PCM1: variants seen among roughly 807,000 people sequenced by gnomAD.
PCM1 encodes pericentriolar material 1 protein.
In PCM1, 157 loss-of-function variants were observed where a neutral mutation model predicts 241.9. The observed-to-expected ratio is 0.65, with a 90% CI of 0.57 to 0.74. The LOEUF (loss-of-function observed/expected upper bound fraction) is 0.74, where lower values mean the gene tolerates loss of function less well. PCM1 is among the 30% of genes least tolerant of loss of function. The pLI is 0.00. For missense variants in PCM1, 3,478 were observed against 2,360.1 expected, an observed-to-expected ratio of 1.47 and a Z score of -9.81; for synonymous variants, 1,085 against 784.9, an observed-to-expected ratio of 1.38 and a Z score of -6.39.
rs376399322 is a variant in PCM1, at chr8:17,935,630, C to A, written c.20C>A (p.Pro7His). MATGGG[P>H]FEDGMNDQDL... Reference sequence around the variant, plus strand: ...TCCAGTATGGCCACAGGAGGAGGTCCCTTTGAAGATGGCATGAATGATCAG... The same window carrying A: ...TCCAGTATGGCCACAGGAGGAGGTCACTTTGAAGATGGCATGAATGATCAG... Residue 7 changes from proline (P) to histidine (H), a missense_variant, in exon 3 of 39, where the codon CCC becomes CAC. Pro to His is a moderately conservative substitution (Grantham distance 77). Coordinates refer to ENST00000325083, the MANE Select transcript of PCM1 (RefSeq NM_006197.4). 13 of 1,537,850 alleles carry A rather than the reference C, an allele frequency of 8.5e-6. No individual in the cohort carries two copies. Among genetic ancestry groups the A allele is most frequent in the Non-Finnish European group, 1.2e-5 (13 of 1,111,182 alleles).
At chr8:17,959,844 G>A (rs1033163631) in intron 13 of PCM1, among the ~76,000 whole-genome samples, 170 bp from the exon 14 acceptor site, 149 of 152,208 alleles carry the variant, frequency 9.8e-4, no homozygotes, top group Middle Eastern at 3.4e-3. Flanking sequence ...AAATACAAAC[G>A]TGTGTAAACA....
At chr8:17,966,305 T>G (rs2074866843) in intron 19 of PCM1, 23 bp from the exon 20 acceptor site, 1 of 1,612,218 alleles carries the variant, frequency 6.2e-7, no homozygotes, top group Non-Finnish European at 8.5e-7. Flanking sequence ...CAGTAACTAT[T>G]AACAAACATT....
Position 17,972,447 on chromosome 8 carries a change from T to C in PCM1, c.3703T>C (p.Ser1235Pro). 1 of 1,613,118 alleles carries C rather than the reference T, an allele frequency of 6.2e-7. No homozygotes were observed. ...KTGFSVSVEKSTSSNRKNQLD... is the reference protein window; with the variant it reads ...KTGFSVSVEKPTSSNRKNQLD... ...TGGATTTTCAGTGTCTGTAGAAAAA[T>C]CTACAAGTAGTAACCGCAAAAATCA... The change falls in exon 23 of 39, where the codon TCT (serine) becomes CCT (proline). Residue 1235 changes from serine (S) to proline (P), a missense_variant. Coordinates refer to ENST00000325083, the MANE Select transcript of PCM1 (RefSeq NM_006197.4).
In PCM1 at chr8:17,961,040, A is replaced by G. The variant is rs529819949; in HGVS notation, c.2322+596A>G. On this transcript the variant is annotated intron_variant, in intron 15 of 38. Transcript: ENST00000325083. The stretch of plus-strand genomic sequence containing the variant: ...TAAAATATTCTGATTTGACTTTTGC[A>G]GTTATGGACCAGCATTTCCATCTTT... 4.6e-5 allele frequency among the ~76,000 whole-genome samples: 7 copies of G among 152,278 alleles called. No individual in the cohort carries two copies. In the South Asian group the frequency reaches 1.2e-3, roughly 27 times the overall value.
At chr8:18,017,419 C>G (rs2093330398) in intron 36 of PCM1, among the ~76,000 whole-genome samples, 1 of 152,186 alleles carries the variant, frequency 6.6e-6, no homozygotes, top group Admixed American at 6.5e-5. Flanking sequence ...GTCACCATAG[C>G]TGAACATTTT....
intron 8 of PCM1, 132 bp downstream of exon 8, chr8:17,950,856 C>A: frequency 3.2e-6 from 2 of 627,846 alleles, no homozygotes; most frequent in African/African-American, 1.9e-5. Context: ...TTGGTGGGGT[C>A]CCCCCCACCT....
At chr8:17,971,026 C>T (rs1410306906) in intron 22 of PCM1, among the ~76,000 whole-genome samples, 1 of 152,194 alleles carries the variant, frequency 6.6e-6, no homozygotes, top group Non-Finnish European at 1.5e-5. Context: ...TCATCTGTGA[C>T]AGTTTTGCAC....
intron 15 of PCM1, among the ~76,000 whole-genome samples, chr8:17,960,905 A>C (rs1007367181): frequency 6.6e-6 from 1 of 152,096 alleles, no homozygotes; most frequent in African/African-American, 2.4e-5. Flanking sequence ...TTGGGGTTAT[A>C]CGTTTACAGT....
rs529528309 is a variant in PCM1, at chr8:18,002,954, G to A, written c.4828-3309G>A. Among the ~76,000 whole-genome samples, 3 of 152,238 alleles carry A rather than the reference G, an allele frequency of 2.0e-5. No individual in the cohort carries two copies. In the South Asian group the frequency reaches 6.2e-4, roughly 32 times the overall value. On this transcript the variant is annotated intron_variant, in intron 29 of 38. Transcript: ENST00000325083. ...TACTAGAGTTGTTAGCACTTCTGAG[G>A]CCTTGGCACTTGCTAATACTTCTGC...
At chr8:18,013,582 A>T (rs78079529) in intron 34 of PCM1, among the ~76,000 whole-genome samples, 1 of 152,180 alleles carries the variant, frequency 6.6e-6, no homozygotes, top group East Asian at 1.9e-4. Context: ...ACTTACAGTT[A>T]TGAGGTGAAT....
At chr8:17,959,088 C>G (rs409217) in intron 13 of PCM1, among the ~76,000 whole-genome samples, 119,784 of 152,046 alleles carry the variant, frequency 0.79, 47,838 homozygotes, top group African/African-American at 0.88. Flanking sequence ...GGCCTTTTCT[C>G]TGCAGTTAGG....
chr8:17,956,227 C>G (rs991061298), intron 10 of PCM1, among the ~76,000 whole-genome samples: 1 of 152,160 alleles, frequency 6.6e-6, no homozygotes, highest in Non-Finnish European at 1.5e-5. Context: ...TCAGTAATGT[C>G]TGTATACCTG....
At chr8:17,997,430 C>T (rs776959253) in intron 29 of PCM1, among the ~76,000 whole-genome samples, 4 of 152,088 alleles carry the variant, frequency 2.6e-5, no homozygotes, top group Admixed American at 6.5e-5. Context: ...TGTTGTTAAG[C>T]TTACTACCTC....
Position 18,014,782 on chromosome 8 carries a change from C to A in PCM1, c.5783C>A (p.Pro1928His). Residue 1928 changes from proline to histidine, a missense_variant, in exon 36 of 39, where the codon CCT becomes CAT. By Grantham distance (77) the Pro-to-His change is moderately conservative. Transcript: ENST00000325083. ...GAAGTTAAATCTGCTCAGGAAACTCCTGAAAGCTCTCTGGCTGGAAGTCCT... is the reference window on the plus strand; with the variant it reads ...GAAGTTAAATCTGCTCAGGAAACTCATGAAAGCTCTCTGGCTGGAAGTCCT... ...VKEVKSAQETPESSLAGSPDT... is the reference protein window; with the variant it reads ...VKEVKSAQETHESSLAGSPDT... 6.2e-7 allele frequency: 1 copy of A among 1,608,506 alleles called. No homozygotes were observed. Among genetic ancestry groups the A allele is most frequent in the Non-Finnish European group, 8.5e-7 (1 of 1,179,110 alleles).
chr8:17,947,457 G>A (rs1175461102), intron 7 of PCM1, 94 bp downstream of exon 7: 1 of 907,108 alleles, frequency 1.1e-6, no homozygotes, highest in Non-Finnish European at 1.7e-6. Context: ...ATCAGATCTT[G>A]ATTGTTGTCT....
chr8:17,980,998 T>C (rs767770764), intron 24 of PCM1, among the ~76,000 whole-genome samples: 6 of 152,222 alleles, frequency 3.9e-5, no homozygotes, highest in Non-Finnish European at 8.8e-5. Flanking sequence ...TAGTTACAAT[T>C]GTGGAACTCT....
Position 17,986,086 on chromosome 8 carries a change from A to T in PCM1, c.4409A>T (p.Asp1470Val), listed in dbSNP as rs1405537355. Reference protein sequence around the residue: ...TPSESLATTDDETFEKNFERE... With the variant: ...TPSESLATTDVETFEKNFERE... ...AGTGAGAGCCTTGCTACTACTGATG[A>T]TGTAAGCTGATAATGATTAGTGAAT... Residue 1470 changes from aspartate to valine, a missense_variant and splice_region_variant, in exon 26 of 39, where the codon GAT becomes GTT. By Grantham distance (152) the Asp-to-Val change is radical. Coordinates refer to ENST00000325083, the MANE Select transcript of PCM1 (RefSeq NM_006197.4). 1 of 1,558,352 alleles carries T rather than the reference A, an allele frequency of 6.4e-7. No homozygotes were observed.
rs762545716 is a variant in PCM1 at position 17,993,657 on chromosome 8, T to C, written c.4827+38T>C. 2.0e-5 allele frequency: 30 copies of C among 1,520,320 alleles called. No homozygotes were observed. The East Asian group carries it at 7.0e-4, about 35-fold the overall frequency. The allele number at this position is 1,520,320 out of a possible 1,614,324, so 94.2% of individuals were successfully genotyped here. On this transcript the variant is annotated intron_variant, in intron 29 of 38. Transcript: ENST00000325083. ...TTTAAAAAATAAACGAAACCTTCTA[T>C]GTTTTGTTTTTTAATTCATACAGAA...
chr8:17,949,165 TTTAGC>T (rs1392017210), intron 7 of PCM1, among the ~76,000 whole-genome samples: 7 of 152,148 alleles, frequency 4.6e-5, no homozygotes, highest in Middle Eastern at 3.2e-3. Flanking sequence ...CAAAAAGAAT[TTTAGC>T]TTAGTAATTT....
Sources: allele counts gnomAD v4.1 joint callset (sites outside exome capture counted in the v4.1 genomes callset), GRCh38; gene constraint gnomAD v4.1.1; transcripts MANE v1.5; gene names NCBI Gene and HGNC (gene_info 2026-07-23, HGNC 2026-07-21).